The following BABAM2 variants were observed in gnomAD, a reference collection of about 807,000 sequenced individuals.
BABAM2 encodes the protein BRISC and BRCA1 A complex member 2.
In BABAM2, 31 loss-of-function variants were observed where a neutral mutation model predicts 54.7. That is an observed-to-expected ratio of 0.57 (90% CI 0.43 to 0.77). BABAM2 has a LOEUF of 0.77. BABAM2 is among the 30% of genes least tolerant of loss of function. BABAM2 has a pLI of 0.00. For synonymous variants in BABAM2, 167 were observed against 162.9 expected (o/e 1.03, Z -0.19); for missense variants, 364 against 455.8 (o/e 0.80, Z 1.83).
intron 7 of BABAM2, among the ~76,000 whole-genome samples, chr2:28,187,324 G>T (rs1573788648): frequency 1.3e-5 from 2 of 152,174 alleles, no homozygotes; most frequent in South Asian, 4.1e-4. Flanking sequence ...AGCCATGTTG[G>T]TTTGGGTAGC....
chr2:28,315,657 A>AT (rs1388558414), intron 11 of BABAM2, among the ~76,000 whole-genome samples: 3 of 146,876 alleles, frequency 2.0e-5, no homozygotes, highest in African/African-American at 7.8e-5. Flanking sequence ...TTATTTATTT[A>AT]TTTTTTATTT....
intron 2 of BABAM2, among the ~76,000 whole-genome samples, chr2:27,900,429 A>G (rs1665690664): frequency 6.6e-6 from 1 of 150,766 alleles, no homozygotes; most frequent in Non-Finnish European, 1.5e-5. Flanking sequence ...AGATTTTTCT[A>G]CCTTACTTAA....
intron 7 of BABAM2, among the ~76,000 whole-genome samples, chr2:28,210,313 G>A (rs141249796): frequency 0.012 from 1,816 of 152,320 alleles, 29 homozygotes; most frequent in South Asian, 0.051. Context: ...TGTGCCGTGA[G>A]CTGCTCACAA....
intron 10 of BABAM2, among the ~76,000 whole-genome samples, chr2:28,267,787 C>T (rs1308131233): frequency 6.6e-6 from 1 of 152,212 alleles, no homozygotes; most frequent in Non-Finnish European, 1.5e-5. Flanking sequence ...CATTTGGCTC[C>T]ACCTCACTGC....
chr2:28,235,110 CT>C (rs1483110393), intron 7 of BABAM2, among the ~76,000 whole-genome samples: 3 of 152,336 alleles, frequency 2.0e-5, no homozygotes, highest in Non-Finnish European at 2.9e-5. Flanking sequence ...TCCACATTGA[CT>C]TCCTTGTGTC....
intron 2 of BABAM2, among the ~76,000 whole-genome samples, chr2:27,904,124 C>T (rs146863836): frequency 3.9e-5 from 6 of 152,144 alleles, no homozygotes; most frequent in African/African-American, 1.2e-4. Context: ...ATGTCCTAGG[C>T]GGGACAGAGT....
chr2:27,911,076 A>G (rs1666558943), intron 2 of BABAM2, among the ~76,000 whole-genome samples: 2 of 152,140 alleles, frequency 1.3e-5, no homozygotes, highest in African/African-American at 2.4e-5. Flanking sequence ...CACGTGAAGA[A>G]GGATGTGTTT....
At chr2:28,104,689 G>A (rs2148713752) in intron 6 of BABAM2, among the ~76,000 whole-genome samples, 1 of 152,216 alleles carries the variant, frequency 6.6e-6, no homozygotes, top group Admixed American at 6.5e-5. Context: ...CCATTACTGG[G>A]TATATACCCA....
At chr2:28,046,449 G>C (rs1307890371) in intron 6 of BABAM2, among the ~76,000 whole-genome samples, 1 of 152,120 alleles carries the variant, frequency 6.6e-6, no homozygotes, top group Admixed American at 6.6e-5. Flanking sequence ...GATAGAGTGA[G>C]ACTCCATCTC....
At chr2:28,311,625 G>A (rs1012131969) in intron 11 of BABAM2, among the ~76,000 whole-genome samples, 1 of 152,140 alleles carries the variant, frequency 6.6e-6, no homozygotes. Context: ...AATTTCCTTC[G>A]TGATCATGGA....
chr2:28,013,563 A>G (rs1674561228), intron 4 of BABAM2, among the ~76,000 whole-genome samples: 1 of 150,042 alleles, frequency 6.7e-6, no homozygotes. Flanking sequence ...TAACTGTCAT[A>G]TTCTGTATTG....
chr2:28,026,820 ATT>A (rs1491522632), intron 5 of BABAM2, among the ~76,000 whole-genome samples: 27 of 87,212 alleles, frequency 3.1e-4, no homozygotes, highest in African/African-American at 8.4e-4. Context: ...ATAAATATAT[ATT>A]TATATATATA....
intron 10 of BABAM2, among the ~76,000 whole-genome samples, chr2:28,295,629 G>T (rs1232563564): frequency 1.3e-5 from 2 of 151,952 alleles, no homozygotes; most frequent in African/African-American, 4.8e-5. Context: ...CTGAGTAGCT[G>T]GGATTACAGG....
At chr2:28,309,267 C>T (rs1427987804) in intron 11 of BABAM2, 1 of 152,194 alleles carries the variant, frequency 6.6e-6, no homozygotes, top group Non-Finnish European at 1.5e-5. Context: ...TGGTCCCCTC[C>T]ATTTTCAAGC....
At chr2:27,964,158 T>G (rs1191337750) in intron 3 of BABAM2, among the ~76,000 whole-genome samples, 1 of 152,112 alleles carries the variant, frequency 6.6e-6, no homozygotes, top group African/African-American at 2.4e-5. Context: ...TGTTATAAAA[T>G]GAACCTCTCA....
At chr2:28,232,777 T>C (rs1215474291) in intron 7 of BABAM2, among the ~76,000 whole-genome samples, 1 of 152,204 alleles carries the variant, frequency 6.6e-6, no homozygotes, top group Admixed American at 6.5e-5. Flanking sequence ...ATGTTGCATG[T>C]GGCTCATGAC....
At chr2:28,239,516 A>G (rs975173900) in intron 8 of BABAM2, among the ~76,000 whole-genome samples, 2 of 152,232 alleles carry the variant, frequency 1.3e-5, no homozygotes. Context: ...TTTTATAGAA[A>G]CTGTCATTGG....
intron 2 of BABAM2, chr2:27,897,112 G>A (rs1344062134): frequency 6.5e-6 from 1 of 153,468 alleles, no homozygotes; most frequent in Non-Finnish European, 1.5e-5. Context: ...GGGATCATTT[G>A]GGTAACAGGA....
chr2:28,020,952 GAC>G (rs57086132), intron 4 of BABAM2, among the ~76,000 whole-genome samples: 26,783 of 144,358 alleles, frequency 0.19, 2,777 homozygotes, highest in Non-Finnish European at 0.25. Flanking sequence ...CTGTCTCTCT[GAC>G]ACACACACAC....
Sources: allele counts gnomAD v4.1 joint callset (sites outside exome capture counted in the v4.1 genomes callset), GRCh38; gene constraint gnomAD v4.1.1; transcripts MANE v1.5; gene names NCBI Gene and HGNC (gene_info 2026-07-23, HGNC 2026-07-21).